Variants in FLNB observed in about 807,000 individuals in gnomAD.
The protein encoded by FLNB is filamin B.
FLNB carries 111 observed loss-of-function variants against 250.6 expected under a neutral mutation model. The ratio of observed to expected loss-of-function variants is 0.44; its 90% confidence interval spans 0.38 to 0.52. The LOEUF is 0.52. Among genes scored for constraint, FLNB ranks in the 20% least tolerant of loss-of-function variants. FLNB has a pLI of 0.00. For missense variants in FLNB, 2,869 were observed against 3,447.8 expected, an observed-to-expected ratio of 0.83 and a Z score of 4.20; for synonymous variants, 1,302 against 1,372.1, an observed-to-expected ratio of 0.95 and a Z score of 1.13.
At chr3:58,081,480 G>T in intron 3 of FLNB, 149 bp from the exon 4 acceptor site, 1 of 840,474 alleles carries the variant, frequency 1.2e-6, no homozygotes. Flanking sequence ...ACTGATATTG[G>T]TGTGTTGGTT....
intron 25 of FLNB, among the ~76,000 whole-genome samples, chr3:58,131,574 G>C (rs2097307492): frequency 6.6e-6 from 1 of 152,218 alleles, no homozygotes; most frequent in South Asian, 2.1e-4. Flanking sequence ...AGGACAGTGT[G>C]CCTAATTTCT....
chr3:58,101,934 G>A (rs1301002394), intron 8 of FLNB, among the ~76,000 whole-genome samples: 1 of 152,212 alleles, frequency 6.6e-6, no homozygotes, highest in Non-Finnish European at 1.5e-5. Context: ...GGAAGCAGGA[G>A]CACAGCATGG....
rs368084957 is a variant in FLNB at position 58,123,099 on chromosome 3, G to A, written c.3133G>A (p.Ala1045Thr). ...TTATTCTTTGCTCAAATAGGTGAAG[G>A]CCCACGGTCCCGGCCTCGAAGGTGG... ...SLPPDPSKVK[A>T]HGPGLEGGLV... is the part of the protein sequence containing the mutation. Residue 1045 changes from alanine (A) to threonine (T), a missense_variant, in exon 21 of 46, where the codon GCC becomes ACC. By Grantham distance (58) the Ala-to-Thr change is moderately conservative. This residue lies in a region of FLNB where 1,348 missense variants were observed against 1,466.7 expected (regional missense o/e 0.92). Coordinates refer to ENST00000295956, the MANE Select transcript of FLNB (RefSeq NM_001457.4). 5 of 1,614,090 alleles carry A rather than the reference G, an allele frequency of 3.1e-6. No individual in the cohort carries two copies. The highest frequency in any genetic ancestry group is 2.5e-6 in the Non-Finnish European group (3 of 1,179,956).
intron 1 of FLNB, among the ~76,000 whole-genome samples, chr3:58,020,298 C>A (rs1042261263): frequency 1.3e-5 from 2 of 152,204 alleles, no homozygotes; most frequent in African/African-American, 4.8e-5. Context: ...AGCACCCAGC[C>A]TTTATCAGTC....
At chr3:58,136,233 C>T (rs2097315687) in intron 28 of FLNB, 65 bp downstream of exon 28, 3 of 1,527,984 alleles carry the variant, frequency 2.0e-6, no homozygotes, top group East Asian at 2.3e-5. Context: ...GGCCGTAGCC[C>T]TTCTCTGTGA....
chr3:58,025,155 G>T (rs2097121757), intron 1 of FLNB, among the ~76,000 whole-genome samples: 2 of 97,252 alleles, frequency 2.1e-5, no homozygotes, highest in South Asian at 6.9e-4. Context: ...TTTGAGATAG[G>T]ATCTCATTCT....
In FLNB at chr3:58,169,540, C is replaced by G. The variant is rs1559745681; in HGVS notation, c.7418-50C>G. ...CTCGCCTGTCCTCTGGCTGAGAGACCCCTCTTGATCTGGCCATTCATGCCT... is the reference window on the plus strand; with the variant it reads ...CTCGCCTGTCCTCTGGCTGAGAGACGCCTCTTGATCTGGCCATTCATGCCT... On this transcript the variant is annotated intron_variant, in intron 44 of 45. Coordinates refer to ENST00000295956, the MANE Select transcript of FLNB (RefSeq NM_001457.4). This position sits in a 1 kb window ranked among gnomAD's most constrained non-coding sequence, Gnocchi z 4.8. 6.8e-7 allele frequency: 1 copy of G among 1,465,766 alleles called. No homozygotes were observed. The highest frequency in any genetic ancestry group is 9.6e-7 in the Non-Finnish European group (1 of 1,044,774). 90.8% of individuals were successfully genotyped at this position (1,465,766 alleles called of 1,614,324 possible). A position where few individuals can be genotyped will look rare whatever the true frequency, so the allele number is the denominator to read the frequency against.
At chr3:58,145,177 G>T (rs1252773344) in intron 32 of FLNB, among the ~76,000 whole-genome samples, 1 of 152,216 alleles carries the variant, frequency 6.6e-6, no homozygotes, top group Non-Finnish European at 1.5e-5. Flanking sequence ...TCCACTGCTG[G>T]TGTGAGTTGT....
chr3:58,018,634 A>G (rs557478429), intron 1 of FLNB, among the ~76,000 whole-genome samples: 3 of 150,784 alleles, frequency 2.0e-5, no homozygotes, highest in South Asian at 4.2e-4. Context: ...TCCTGCCTCA[A>G]CCTCTCCAGT....
intron 1 of FLNB, among the ~76,000 whole-genome samples, chr3:58,062,150 A>G (rs371721583): frequency 2.6e-5 from 4 of 152,208 alleles, no homozygotes; most frequent in East Asian, 3.8e-4. Context: ...ATGAAAGCCC[A>G]TCTTCCACCA....
At chr3:58,053,792 G>A (rs908875231) in intron 1 of FLNB, among the ~76,000 whole-genome samples, 37 of 152,134 alleles carry the variant, frequency 2.4e-4, no homozygotes, top group African/African-American at 8.9e-4. Context: ...ATGAAAGTGT[G>A]TTCATTTTAC....
chr3:58,149,080 C>G (rs1199754218), intron 36 of FLNB, among the ~76,000 whole-genome samples: 2 of 152,174 alleles, frequency 1.3e-5, no homozygotes, highest in Non-Finnish European at 1.5e-5. Context: ...AGAGCCCCCT[C>G]TGCACTAGGA....
rs75243235 is a variant in FLNB, at chr3:58,102,488, G to C, written c.1483+148G>C. The C allele has an allele frequency of 3.7e-3, 3,416 of 933,740 alleles. 13 individuals are homozygous for C. Among genetic ancestry groups the C allele is most frequent in the Non-Finnish European group, 4.4e-3 (2,593 of 584,476 alleles). The allele number at this position is 933,740 out of a possible 1,614,324, so 57.8% of individuals were successfully genotyped here. A position where few individuals can be genotyped will look rare whatever the true frequency, so the allele number is the denominator to read the frequency against. Reference sequence around the variant, plus strand: ...GAGGCTATCTGGGCTCCTTGGGGAAGACGGCAGTGATTGATTAGTAATGTC... The same window carrying C: ...GAGGCTATCTGGGCTCCTTGGGGAACACGGCAGTGATTGATTAGTAATGTC... On this transcript the variant is annotated intron_variant, in intron 9 of 45. Coordinates refer to ENST00000295956, the MANE Select transcript of FLNB (RefSeq NM_001457.4).
intron 8 of FLNB, among the ~76,000 whole-genome samples, chr3:58,101,104 GT>G (rs2097250528): frequency 1.3e-5 from 2 of 152,264 alleles, no homozygotes; most frequent in Non-Finnish European, 2.9e-5. Flanking sequence ...GTAAGCTTAT[GT>G]TCATCCATAA....
Position 58,123,600 on chromosome 3 carries a change from C to G in FLNB, c.3634C>G (p.Leu1212Val). Reference sequence around the variant, plus strand: ...GTTGACCATGAAGTATGGTGGCGAACTCGTGCCACACTTCCCCGCCCGGGT... The same window carrying G: ...GTTGACCATGAAGTATGGTGGCGAAGTCGTGCCACACTTCCCCGCCCGGGT... The part of the protein sequence containing the change: ...YTLTMKYGGE[L>V]VPHFPARVKV... The change falls in exon 21 of 46, where the codon CTC (leucine) becomes GTC (valine). Residue 1212 changes from leucine to valine, a missense_variant. Coordinates refer to ENST00000295956, the MANE Select transcript of FLNB (RefSeq NM_001457.4). The G allele has an allele frequency of 6.2e-7, 1 of 1,612,268 alleles. No homozygotes were observed. Among genetic ancestry groups the G allele is most frequent in the South Asian group, 1.1e-5 (1 of 91,028 alleles).
At chr3:58,133,010 C>T (rs528605798) in intron 26 of FLNB, 79 bp downstream of exon 26, 85 of 1,460,412 alleles carry the variant, frequency 5.8e-5, no homozygotes, top group Non-Finnish European at 7.6e-5. Flanking sequence ...AGTCCATCCA[C>T]CCATCCGTTC....
chr3:58,099,483 G>T (rs2097245604), intron 8 of FLNB, among the ~76,000 whole-genome samples: 1 of 152,114 alleles, frequency 6.6e-6, no homozygotes, highest in South Asian at 2.1e-4. Flanking sequence ...TGGCGCTGGG[G>T]GTACGCATTT....
chr3:58,083,320 A>C (rs2097211971), intron 4 of FLNB, among the ~76,000 whole-genome samples: 1 of 150,998 alleles, frequency 6.6e-6, no homozygotes, highest in African/African-American at 2.4e-5. Flanking sequence ...CTTCCCTACA[A>C]ATGTTCCCTT....
At chr3:58,049,051 A>G (rs565939941) in intron 1 of FLNB, among the ~76,000 whole-genome samples, 1 of 152,336 alleles carries the variant, frequency 6.6e-6, no homozygotes, top group African/African-American at 2.4e-5. Context: ...CAGAGAAAAT[A>G]CAGTTAAATT....
Sources: gnomAD v4.1 joint callset for allele counts (sites outside exome capture counted in the v4.1 genomes callset) on GRCh38, gnomAD v4.1.1 for gene constraint, gnomAD v4.1.1 regional missense constraint, Gnocchi (gnomAD v3.1) non-coding constraint, MANE v1.5 for transcripts, NCBI Gene and HGNC (gene_info 2026-07-23, HGNC 2026-07-21) for gene names.